The following ASMT variants were observed in gnomAD, a reference collection of about 807,000 sequenced individuals.
ASMT encodes the protein acetylserotonin O-methyltransferase, also known as acetylserotonin N-methyltransferase.
In ASMT, 53 loss-of-function variants were observed where a neutral mutation model predicts 41.3. The ratio of observed to expected loss-of-function variants is 1.28; its 90% CI spans 1.03 to 1.61. The LOEUF (loss-of-function observed/expected upper bound fraction) is 1.61, where lower values mean the gene tolerates loss of function less well. Among genes scored for constraint, ASMT ranks in the 40% most tolerant of loss-of-function variants. The pLI is 0.00. For synonymous variants in ASMT, 231 were observed against 184.8 expected, an observed-to-expected ratio of 1.25 and a Z score of -2.03; for missense variants, 531 against 441.3, an observed-to-expected ratio of 1.20 and a Z score of -1.82.
intron 1 of ASMT, among the ~76,000 whole-genome samples, chrX:1,619,123 C>G (rs1244140958): frequency 4.6e-5 from 7 of 152,152 alleles, no homozygotes; most frequent in African/African-American, 1.4e-4. Flanking sequence ...TGGCCAGGCA[C>G]AGTGGCTCAC....
intron 7 of ASMT, 85 bp from the exon 8 acceptor site, chrX:1,636,353 C>T (rs751284400): frequency 1.1e-5 from 17 of 1,601,384 alleles, no homozygotes; most frequent in African/African-American, 1.3e-5. Context: ...GTGACCCATC[C>T]AGGTGACCTT....
Position 1,636,526 on chromosome X carries a change from C to A in ASMT, c.876C>A (p.His292Gln). The A allele has an allele frequency of 6.2e-7, 1 of 1,613,814 alleles. No homozygotes were observed. Among genetic ancestry groups the A allele is most frequent in the Non-Finnish European group, 8.5e-7 (1 of 1,179,862 alleles). ...LHDWADGKCSHLLERIYHTCK... is the reference protein window; with the variant it reads ...LHDWADGKCSQLLERIYHTCK... ...ACTGGGCAGACGGAAAGTGCTCACA[C>A]CTGCTGGAGAGGATCTACCACACTT... Residue 292 changes from histidine (H) to glutamine (Q), a missense_variant, in exon 8 of 9, where the codon CAC (histidine) becomes CAA (glutamine). Physicochemically the swap from His to Gln is conservative, Grantham distance 24 (BLOSUM62 0). Coordinates refer to ENST00000381241, the MANE Select transcript of ASMT (RefSeq NM_001171038.2).
intron 4 of ASMT, among the ~76,000 whole-genome samples, chrX:1,628,819 C>G (rs1343966223): frequency 1.5e-5 from 1 of 68,012 alleles, no homozygotes; most frequent in Non-Finnish European, 3.0e-5. Flanking sequence ...TCTCCTTCTC[C>G]TCTCCCGTCT....
At position 1,625,833 on chromosome X, in the gene ASMT, A is replaced by C. The variant is rs1443054452; in HGVS notation, c.374+1435A>C. On this transcript the variant is annotated intron_variant, in intron 3 of 8. Coordinates refer to ENST00000381241, the MANE Select transcript of ASMT (RefSeq NM_001171038.2). ...GCCGGGCGTGGTGGCGGGCGCCTGT[A>C]GTCCCAGCTACTCGGAGAGGCTGAG... 5.3e-5 allele frequency among the ~76,000 whole-genome samples: 8 copies of C among 151,680 alleles called. No homozygotes were observed. In the East Asian group the frequency reaches 1.6e-3, roughly 30 times the overall value.
chrX:1,629,836 G>C lies in ASMT; in HGVS notation c.459G>C (p.Arg153=). The C allele has an allele frequency of 6.2e-7, 1 of 1,613,912 alleles. No homozygotes were observed. The highest frequency in any genetic ancestry group is 8.5e-7 in the Non-Finnish European group (1 of 1,179,858). ...TGCATGCCAGGTCCGAGGGCGAGCG[G>C]CTACAGTTCATGCAAGCTCTGCAGG... ...FTAIYRSEGE[R]LQFMQALQEV... is the part of the protein sequence containing the mutation. Residue 153 remains arginine, a synonymous_variant, in exon 5 of 9, where the codon CGG becomes CGC. Transcript: ENST00000381241.
rs1322867216 is a variant in ASMT at position 1,636,106 on chromosome X, C to G, written c.788-332C>G. On this transcript the variant is annotated intron_variant, in intron 7 of 8. Coordinates refer to ENST00000381241, the MANE Select transcript of ASMT (RefSeq NM_001171038.2). ...GAGTAGCTGGGACCACAGGCACCCG[C>G]CATCACGCCCGGCTAATTTTTTTTG... The G allele has an allele frequency of 2.2e-5, 8 of 362,180 alleles. No homozygotes were observed. In the East Asian group the frequency reaches 3.5e-4, roughly 16 times the overall value. The allele number at this position is 362,180 out of a possible 1,614,324, so 22.4% of individuals were successfully genotyped here. A position where few individuals can be genotyped will look rare whatever the true frequency, so the allele number is the denominator to read the frequency against.
At position 1,630,084 on chromosome X, in the gene ASMT, C is replaced by G. The variant is rs1417088687; in HGVS notation, c.562+145C>G. 1.2e-5 allele frequency: 10 copies of G among 805,684 alleles called. No homozygotes were observed. The African/African-American group carries it at 1.3e-4, about 11-fold the overall frequency. The allele number at this position is 805,684 out of a possible 1,614,324, so 49.9% of individuals were successfully genotyped here. The stretch of plus-strand genomic sequence containing the variant: ...CTTAGAGGAATCATTCCTCCCAGCA[C>G]TGGGCACTTCCTAGAGTCAGCAAAC... On this transcript the variant is annotated intron_variant, in intron 5 of 8. Coordinates refer to ENST00000381241, the MANE Select transcript of ASMT (RefSeq NM_001171038.2).
At chrX:1,620,656 T>C (rs765934240) in intron 1 of ASMT, among the ~76,000 whole-genome samples, 122 of 152,060 alleles carry the variant, frequency 8.0e-4, no homozygotes, top group African/African-American at 2.5e-3. Context: ...ACTAATACAC[T>C]TTGGGAGACC....
chrX:1,629,997 T>C (rs1934711916), intron 5 of ASMT, 58 bp downstream of exon 5: 2 of 1,386,008 alleles, frequency 1.4e-6, no homozygotes, highest in Non-Finnish European at 2.1e-6. Flanking sequence ...GTATGGGGAA[T>C]GTGTTATTCA....
intron 2 of ASMT, 85 bp from the exon 3 acceptor site, chrX:1,624,184 C>T (rs1425773623): frequency 2.6e-6 from 4 of 1,534,520 alleles, no homozygotes; most frequent in South Asian, 2.2e-5. Context: ...ATGTTGAAAT[C>T]ACGATGTTGT....
intron 7 of ASMT, chrX:1,636,094 C>T (rs1416669731): frequency 9.7e-4 from 345 of 354,818 alleles, no homozygotes; most frequent in African/African-American, 2.4e-3. Flanking sequence ...TAGCTGGGAC[C>T]ACAGGCACCC....
chrX:1,625,539 A>AGGAC, intron 3 of ASMT, among the ~76,000 whole-genome samples: 1 of 62,158 alleles, frequency 1.6e-5, no homozygotes. Context: ...GAAGGAAGGA[A>AGGAC]GGAAGGGAGG....
chrX:1,616,457 G>GGACTGGGCA (rs1569368152), intron 1 of ASMT, among the ~76,000 whole-genome samples: 1 of 151,426 alleles, frequency 6.6e-6, no homozygotes, highest in Non-Finnish European at 1.5e-5. Context: ...GGACTGCGGA[G>GGACTGGGCA]GGAGTGTTTA....
chrX:1,629,304 CAGG>C (rs773456362), intron 4 of ASMT, among the ~76,000 whole-genome samples: 256 of 152,226 alleles, frequency 1.7e-3, no homozygotes, highest in African/African-American at 5.8e-3. Context: ...GCAGAGAGGA[CAGG>C]AGGAGAGAGG....
chrX:1,617,345 C>G (rs1426014488), intron 1 of ASMT, among the ~76,000 whole-genome samples: 4 of 151,190 alleles, frequency 2.6e-5, no homozygotes, highest in Non-Finnish European at 5.9e-5. Flanking sequence ...TGGTGGGCAC[C>G]TGTCATCCCA....
At chrX:1,616,380 T>C (rs1279105139) in intron 1 of ASMT, among the ~76,000 whole-genome samples, 3 of 151,366 alleles carry the variant, frequency 2.0e-5, no homozygotes, top group Non-Finnish European at 3.0e-5. Flanking sequence ...TTCATTTATA[T>C]GAAATGTGCA....
At chrX:1,641,475 G>A (rs1303498604) in intron 8 of ASMT, among the ~76,000 whole-genome samples, 1 of 149,634 alleles carries the variant, frequency 6.7e-6, no homozygotes, top group African/African-American at 2.4e-5. Flanking sequence ...TCTCCTGTGA[G>A]GTCCATCCAT....
rs753071932 is a variant in ASMT at position 1,623,150 on chromosome X, C to G, written c.81C>G (p.Ala27=). ...NGFMVSQVLF[A]ACELGVFDLL... ...GCTCCTGCTCCAAGGTTCTCTTCGC[C>G]GCCTGCGAGCTGGGCGTGTTTGACC... Residue 27 remains alanine (A), a synonymous_variant, in exon 2 of 9, where the codon GCC becomes GCG. Transcript: ENST00000381241. The G allele has an allele frequency of 2.1e-5, 34 of 1,612,576 alleles. No individual in the cohort carries two copies. The South Asian group carries it at 3.4e-4, about 16-fold the overall frequency.
chrX:1,631,730 C>T (rs139911555), intron 5 of ASMT, among the ~76,000 whole-genome samples: 14,002 of 151,644 alleles, frequency 0.092, 794 homozygotes, highest in South Asian at 0.18. Flanking sequence ...GCCTGGTCAA[C>T]ATGGTGAAAT....
Sources: allele counts gnomAD v4.1 joint callset (sites outside exome capture counted in the v4.1 genomes callset), GRCh38; gene constraint gnomAD v4.1.1; transcripts MANE v1.5; gene names NCBI Gene and HGNC (gene_info 2026-07-23, HGNC 2026-07-21).